Variants in DCTN3 observed in about 807,000 individuals in gnomAD.
DCTN3 encodes dynactin subunit 3, also known as dynactin 3 (p22).
In DCTN3, 25 loss-of-function variants were observed where a neutral mutation model predicts 28.4. That is an observed-to-expected ratio of 0.88 (90% confidence interval 0.64 to 1.23). The LOEUF (loss-of-function observed/expected upper bound fraction) is 1.23, where lower values mean the gene tolerates loss of function less well. DCTN3 is among the 50% of genes most tolerant of loss of function. DCTN3 has a pLI of 0.00. For missense variants in DCTN3, 229 were observed against 232.0 expected (o/e 0.99, Z 0.08); for synonymous variants, 81 against 91.4 (o/e 0.89, Z 0.65).
intron 4 of DCTN3, chr9:34,615,181 A>C: frequency 5.8e-6 from 1 of 171,890 alleles, no homozygotes; most frequent in Non-Finnish European, 1.2e-5. Flanking sequence ...GGAATCCAAC[A>C]CGCCAAGGCT....
chr9:34,614,543 G>A, intron 5 of DCTN3, 167 bp downstream of exon 5: 1 of 725,994 alleles, frequency 1.4e-6, no homozygotes, highest in South Asian at 1.8e-5. Context: ...ATGAACCTAG[G>A]CAAGTCCCTT....
intron 2 of DCTN3, 76 bp from the exon 3 acceptor site, chr9:34,618,047 T>G (rs1820464099): frequency 6.8e-7 from 1 of 1,462,480 alleles, no homozygotes; most frequent in Non-Finnish European, 9.3e-7. Flanking sequence ...GTTTGACAAG[T>G]GGTCAGCCTT....
At chr9:34,614,586 A>G in intron 5 of DCTN3, 124 bp downstream of exon 5, 1 of 1,137,068 alleles carries the variant, frequency 8.8e-7, no homozygotes, top group Non-Finnish European at 1.3e-6. Context: ...GATAAAGGAT[A>G]AACCCCAAAG....
chr9:34,616,168 T>C lies in DCTN3; in HGVS notation c.269-55A>G. On this transcript the variant is annotated intron_variant, in intron 3 of 6. Coordinates refer to ENST00000259632, the MANE Select transcript of DCTN3 (RefSeq NM_007234.5). This position sits in a 1 kb window ranked among gnomAD's most constrained non-coding sequence, Gnocchi z 4.7. ...GTGAAGCAAACCTGGGCATTGCTAATCAGCCCATGTAAGGGCCTGAGGACC... is the reference window on the plus strand; with the variant it reads ...GTGAAGCAAACCTGGGCATTGCTAACCAGCCCATGTAAGGGCCTGAGGACC... 1.4e-6 allele frequency: 2 copies of C among 1,436,860 alleles called. No homozygotes were observed. Among genetic ancestry groups the C allele is most frequent in the South Asian group, 2.3e-5 (2 of 86,204 alleles). The allele number at this position is 1,436,860 out of a possible 1,614,324, so 89.0% of individuals were successfully genotyped here. A position where few individuals can be genotyped will look rare whatever the true frequency, so the allele number is the denominator to read the frequency against.
intron 4 of DCTN3, 190 bp downstream of exon 4, chr9:34,615,840 G>C (rs1820413169): frequency 2.2e-6 from 1 of 445,166 alleles, no homozygotes; most frequent in African/African-American, 2.1e-5. Flanking sequence ...GGCAGCGGTT[G>C]CAGTGAGTCA....
chr9:34,619,123 C>T (rs1466348738), intron 1 of DCTN3, among the ~76,000 whole-genome samples: 1 of 152,252 alleles, frequency 6.6e-6, no homozygotes, highest in Non-Finnish European at 1.5e-5. Context: ...TGGCCTACCT[C>T]TAGCCCTATC....
Position 34,613,716 on chromosome 9 carries a change from A to G in DCTN3, c.*66T>C. 6.2e-7 allele frequency: 1 copy of G among 1,602,302 alleles called. No individual in the cohort carries two copies. Among genetic ancestry groups the G allele is most frequent in the South Asian group, 1.1e-5 (1 of 89,820 alleles). ...ACAAAGCTTCCTCTGCCTTGTAACA[A>G]AGGCAGGTTGGCATAGGGCCCTGGA... On this transcript the variant is annotated 3_prime_UTR_variant, in exon 7 of 7. Transcript: ENST00000259632.
At chr9:34,615,808 G>A in intron 4 of DCTN3, 1 of 385,418 alleles carries the variant, frequency 2.6e-6, no homozygotes, top group Non-Finnish European at 4.8e-6. Context: ...GAGGCAAGGT[G>A]GGAAGTTTGT....
intron 5 of DCTN3, chr9:34,614,308 G>A (rs942596985): frequency 8.7e-7 from 1 of 1,144,168 alleles, no homozygotes; most frequent in Non-Finnish European, 1.2e-6. Context: ...GATGGAAAAG[G>A]GAGTGGCCAT....
At chr9:34,620,238 G>A (rs1413917690) in intron 1 of DCTN3, 131 bp downstream of exon 1, 3 of 822,046 alleles carry the variant, frequency 3.6e-6, no homozygotes, top group Non-Finnish European at 5.9e-6. Context: ...AGCTCTGGGA[G>A]GTCCCGGACC....
intron 3 of DCTN3, among the ~76,000 whole-genome samples, chr9:34,617,249 T>C (rs955151709): frequency 6.6e-6 from 1 of 152,202 alleles, no homozygotes; most frequent in African/African-American, 2.4e-5. Context: ...CTCAGGTCCC[T>C]GAAGCAGGGA....
At chr9:34,619,726 C>T (rs748431887) in intron 1 of DCTN3, among the ~76,000 whole-genome samples, 16 of 152,194 alleles carry the variant, frequency 1.1e-4, no homozygotes, top group Non-Finnish European at 1.9e-4. Flanking sequence ...TTACCTTGGA[C>T]GCACTTAGCT....
At chr9:34,618,653 A>C in intron 2 of DCTN3, 23 bp downstream of exon 2, 1 of 1,595,764 alleles carries the variant, frequency 6.3e-7, no homozygotes, top group Non-Finnish European at 8.6e-7. Flanking sequence ...TCGGGCAGGC[A>C]GGCACATCAT....
In DCTN3 at chr9:34,616,988, G is replaced by A. The variant is rs116001123; in HGVS notation, c.269-875C>T. ...GGTCAAGAGTATGATTTAGGAGACT[G>A]TGCAACCATTCATATGCAAGTGGAT... On this transcript the variant is annotated intron_variant, in intron 3 of 6. Coordinates refer to ENST00000259632, the MANE Select transcript of DCTN3 (RefSeq NM_007234.5). This position sits in a 1 kb window ranked among gnomAD's most constrained non-coding sequence, Gnocchi z 4.7. 6.1e-3 allele frequency among the ~76,000 whole-genome samples: 931 copies of A among 152,316 alleles called. 8 individuals carry two copies. The highest frequency in any genetic ancestry group is 0.021 in the African/African-American group (883 of 41,560).
intron 2 of DCTN3, among the ~76,000 whole-genome samples, 170 bp downstream of exon 2, chr9:34,618,502 TAGAA>T (rs753206794): frequency 3.7e-4 from 56 of 152,178 alleles, no homozygotes; most frequent in Non-Finnish European, 7.5e-4. Context: ...AGCCACAAGG[TAGAA>T]AAGCACACCA....
chr9:34,617,667 G>A, intron 3 of DCTN3: 1 of 1,471,680 alleles, frequency 6.8e-7, no homozygotes. Flanking sequence ...CTCCCACTGT[G>A]GCTGGCACCA....
chr9:34,613,730 T>G lies in DCTN3; in HGVS notation c.*52A>C. 6.2e-7 allele frequency: 1 copy of G among 1,609,658 alleles called. No individual in the cohort carries two copies. The highest frequency in any genetic ancestry group is 8.5e-7 in the Non-Finnish European group (1 of 1,177,732). On this transcript the variant is annotated 3_prime_UTR_variant, in exon 7 of 7. Transcript: ENST00000259632. The stretch of plus-strand genomic sequence containing the variant: ...GCCTTGTAACAAAGGCAGGTTGGCA[T>G]AGGGCCCTGGAGCCTGACTGCCCAG...
chr9:34,614,816 G>A (rs1245328342), intron 4 of DCTN3, 48 bp from the exon 5 acceptor site: 17 of 1,607,788 alleles, frequency 1.1e-5, no homozygotes, highest in Admixed American at 1.7e-5. Flanking sequence ...GCCCTCCCCC[G>A]GGACTGCTCA....
Position 34,616,156 on chromosome 9 carries a change from G to A in DCTN3, c.269-43C>T. 1 of 1,528,104 alleles carries A rather than the reference G, an allele frequency of 6.5e-7. No homozygotes were observed. Among genetic ancestry groups the A allele is most frequent in the Non-Finnish European group, 9.1e-7 (1 of 1,103,746 alleles). The allele number at this position is 1,528,104 out of a possible 1,614,324, so 94.7% of individuals were successfully genotyped here. A position where few individuals can be genotyped will look rare whatever the true frequency, so the allele number is the denominator to read the frequency against. On this transcript the variant is annotated intron_variant, in intron 3 of 6. Transcript: ENST00000259632. This position sits in a 1 kb window ranked among gnomAD's most constrained non-coding sequence, Gnocchi z 4.7. ...AAGATAGTTGCAGTGAAGCAAACCT[G>A]GGCATTGCTAATCAGCCCATGTAAG...
Sources: allele counts gnomAD v4.1 joint callset (sites outside exome capture counted in the v4.1 genomes callset), GRCh38; gene constraint gnomAD v4.1.1; non-coding constraint Gnocchi (gnomAD v3.1); transcripts MANE v1.5; gene names NCBI Gene and HGNC (gene_info 2026-07-23, HGNC 2026-07-21).